Variants in ZNF83 observed in about 807,000 individuals in gnomAD.
ZNF83 encodes zinc finger protein 83.
For synonymous variants in ZNF83, 209 were observed against 213.0 expected, an observed-to-expected ratio of 0.98 and a Z score of 0.17; for missense variants, 552 against 629.9, an observed-to-expected ratio of 0.88 and a Z score of 1.32.
chr19:52,648,073 G>GTA (rs2061396460), intron 3 of ZNF83, among the ~76,000 whole-genome samples: 1 of 151,100 alleles, frequency 6.6e-6, no homozygotes, highest in Non-Finnish European at 1.5e-5. Context: ...CCCTCTTCCT[G>GTA]CCTTGCTGTT....
chr19:52,632,189 A>T (rs2060995328), intron 2 of ZNF83, among the ~76,000 whole-genome samples: 1 of 152,128 alleles, frequency 6.6e-6, no homozygotes, highest in South Asian at 2.1e-4. Flanking sequence ...ACCAGACTTT[A>T]TTAGTCAAAT....
intron 3 of ZNF83, among the ~76,000 whole-genome samples, chr19:52,648,460 AAGAG>A (rs1022362586): frequency 9.9e-5 from 15 of 151,918 alleles, no homozygotes; most frequent in South Asian, 4.2e-4. Flanking sequence ...GGAAAAAAAA[AAGAG>A]AGAGAGAGAG....
Position 52,687,629 on chromosome 19 carries a change from TA to T in ZNF83, c.-283+2813del, listed in dbSNP as rs1353424449. On this transcript the variant is annotated intron_variant, in intron 1 of 5. Transcript: ENST00000594682. ...TATATATAATGTGTATATATATATA[TA>T]ATGTATATATATATATATATATATA... Among the ~76,000 whole-genome samples the T allele has an allele frequency of 3.2e-3, 54 of 16,678 alleles. 1 individual carries two copies. Among genetic ancestry groups the T allele is most frequent in the African/African-American group, 0.021 (51 of 2,390 alleles). 10.9% of individuals were successfully genotyped at this position (16,678 alleles called of 152,430 possible).
chr19:52,616,286 G>A (rs899701816), intron 2 of ZNF83, among the ~76,000 whole-genome samples: 1 of 152,208 alleles, frequency 6.6e-6, no homozygotes, highest in East Asian at 1.9e-4. Flanking sequence ...CTGCAAGTAA[G>A]TGAGGTCAAT....
chr19:52,670,264 T>A (rs1004818689), intron 1 of ZNF83, among the ~76,000 whole-genome samples: 4 of 152,122 alleles, frequency 2.6e-5, no homozygotes, highest in African/African-American at 9.7e-5. Context: ...CCTCATTCCA[T>A]AACATTTTTC....
intron 3 of ZNF83, chr19:52,652,402 C>G (rs1275079704): frequency 2.8e-6 from 1 of 352,998 alleles, no homozygotes; most frequent in Non-Finnish European, 5.5e-6. Flanking sequence ...GCCACTGCAC[C>G]CCAGCCTGGA....
intron 1 of ZNF83, among the ~76,000 whole-genome samples, chr19:52,663,950 G>C (rs944657210): frequency 6.6e-6 from 1 of 152,162 alleles, no homozygotes; most frequent in Admixed American, 6.5e-5. Context: ...GCAGTTATGC[G>C]ATCTCGGCTC....
At chr19:52,653,822 G>A (rs2147258731) in intron 3 of ZNF83, among the ~76,000 whole-genome samples, 1 of 152,244 alleles carries the variant, frequency 6.6e-6, no homozygotes, top group Middle Eastern at 3.4e-3. Context: ...CATTTATATT[G>A]TTTCTCTCCT....
chr19:52,642,463 T>G (rs1751762248), upstream of ZNF83, among the ~76,000 whole-genome samples: 1 of 151,716 alleles, frequency 6.6e-6, no homozygotes, highest in South Asian at 2.1e-4. Context: ...AGACCGGGTA[T>G]CTCCATGTCG....
chr19:52,677,237 G>A (rs1452716938), intron 1 of ZNF83, among the ~76,000 whole-genome samples: 2 of 150,612 alleles, frequency 1.3e-5, no homozygotes, highest in Non-Finnish European at 3.0e-5. Flanking sequence ...CAAAGCATGA[G>A]TGAGACTGGG....
chr19:52,674,914 C>T (rs957668507), intron 1 of ZNF83, among the ~76,000 whole-genome samples: 4 of 152,198 alleles, frequency 2.6e-5, no homozygotes, highest in Admixed American at 2.6e-4. Context: ...GGAAAAGTGG[C>T]TAACCTCTGT....
upstream of ZNF83, among the ~76,000 whole-genome samples, chr19:52,641,492 G>A (rs2061304689): frequency 6.6e-6 from 1 of 152,154 alleles, no homozygotes; most frequent in Non-Finnish European, 1.5e-5. Context: ...ACACAAAGTT[G>A]AAGAGCATTT....
intron 3 of ZNF83, chr19:52,650,874 C>G (rs2061433350): frequency 6.6e-6 from 1 of 152,166 alleles, no homozygotes. Context: ...AAAGCTACAT[C>G]AATGCTAATG....
intron 2 of ZNF83, among the ~76,000 whole-genome samples, chr19:52,632,416 T>A (rs377275988): frequency 2.5e-3 from 380 of 152,310 alleles, no homozygotes; most frequent in Non-Finnish European, 4.1e-3. Context: ...AGCTCCTTTT[T>A]ATTAGGCCCC....
At chr19:52,675,815 G>A (rs6509669) in intron 1 of ZNF83, among the ~76,000 whole-genome samples, 125,928 of 152,150 alleles carry the variant, frequency 0.83, 52,772 homozygotes, top group African/African-American at 0.96. Flanking sequence ...GAGCTTGGAC[G>A]AAAGTGGAAC....
chr19:52,620,080 C>T (rs1260515204), intron 2 of ZNF83, among the ~76,000 whole-genome samples: 1 of 152,022 alleles, frequency 6.6e-6, no homozygotes. Context: ...ACTCAAAGTA[C>T]AAAAATACAT....
chr19:52,664,112 G>A (rs750471028), intron 1 of ZNF83, among the ~76,000 whole-genome samples: 7 of 151,700 alleles, frequency 4.6e-5, no homozygotes, highest in Admixed American at 6.6e-5. Flanking sequence ...TCGAACTCCT[G>A]AAATTAGGTG....
intron 2 of ZNF83, among the ~76,000 whole-genome samples, chr19:52,629,152 C>A (rs532557696): frequency 6.6e-6 from 1 of 152,226 alleles, no homozygotes; most frequent in South Asian, 2.1e-4. Flanking sequence ...TGCCGCTGGA[C>A]CCCAATACAA....
intron 2 of ZNF83, among the ~76,000 whole-genome samples, chr19:52,658,817 G>A (rs1003029596): frequency 6.6e-6 from 1 of 152,100 alleles, no homozygotes; most frequent in Non-Finnish European, 1.5e-5. Context: ...GGCTGACCAG[G>A]GAAATTGCCC....
Sources: allele counts gnomAD v4.1 joint callset (sites outside exome capture counted in the v4.1 genomes callset), GRCh38; gene constraint gnomAD v4.1.1; transcripts MANE v1.5; gene names NCBI Gene and HGNC (gene_info 2026-07-23, HGNC 2026-07-21).